The following REG1B variants were observed in gnomAD, a reference collection of about 807,000 sequenced individuals.
The protein encoded by REG1B is lithostathine-1-beta.
Under a neutral mutation model 20.4 loss-of-function variants are expected in REG1B, and 21 were observed. The observed-to-expected ratio is 1.03, with a 90% CI of 0.73 to 1.48. REG1B has a LOEUF of 1.48. Among genes scored for constraint, REG1B ranks in the 40% most tolerant of loss-of-function variants. The pLI is 0.00. For synonymous variants in REG1B, 82 were observed against 73.4 expected (o/e 1.12, Z -0.60); for missense variants, 247 against 197.2 (o/e 1.25, Z -1.51).
intron 1 of REG1B, 117 bp from the exon 2 acceptor site, chr2:79,087,775 C>A: frequency 3.5e-6 from 2 of 579,256 alleles, no homozygotes; most frequent in Non-Finnish European, 5.8e-6. Context: ...GATAGCTACA[C>A]TCCCAGATAT....
Sources: allele counts gnomAD v4.1 joint callset, GRCh38; gene constraint gnomAD v4.1.1; transcripts MANE v1.5; gene names NCBI Gene and HGNC (gene_info 2026-07-23, HGNC 2026-07-21).